The following MCM10 variants were observed in gnomAD, a reference collection of about 807,000 sequenced individuals.
The protein encoded by MCM10 is minichromosome maintenance 10 replication initiation factor.
In MCM10, 91 loss-of-function variants were observed where a neutral mutation model predicts 109.9. The ratio of observed to expected loss-of-function variants is 0.83; its 90% CI spans 0.70 to 0.99. The LOEUF is 0.99. Ranked by LOEUF, MCM10 falls within the 50% of genes least tolerant of loss-of-function variation. The pLI is 0.00. For synonymous variants in MCM10, 380 were observed against 387.2 expected (o/e 0.98, Z 0.22); for missense variants, 1,077 against 1,061.2 (o/e 1.01, Z -0.21).
At chr10:13,170,575 C>T (rs749803443) in intron 2 of MCM10, among the ~76,000 whole-genome samples, 3 of 152,154 alleles carry the variant, frequency 2.0e-5, no homozygotes, top group Non-Finnish European at 4.4e-5. Flanking sequence ...AGTATTGGCT[C>T]CTTCTTAGCC....
chr10:13,167,705 T>G (rs983534795), intron 2 of MCM10, among the ~76,000 whole-genome samples: 1 of 152,078 alleles, frequency 6.6e-6, no homozygotes, highest in Non-Finnish European at 1.5e-5. Flanking sequence ...AAAGACTGAA[T>G]CATTCCAAAG....
At chr10:13,208,625 A>G (rs1041461696) in intron 18 of MCM10, among the ~76,000 whole-genome samples, 29 of 151,972 alleles carry the variant, frequency 1.9e-4, no homozygotes, top group African/African-American at 6.8e-4. Context: ...GGTTATAAAG[A>G]GAAAGGGAGA....
chr10:13,161,844 G>T (rs1033209152), intron 1 of MCM10, among the ~76,000 whole-genome samples: 2 of 152,226 alleles, frequency 1.3e-5, no homozygotes, highest in Admixed American at 1.3e-4. Flanking sequence ...CCTTTTAAAC[G>T]CAGCCTTTTA....
chr10:13,192,350 A>G lies in MCM10; in HGVS notation c.1612A>G (p.Lys538Glu), dbSNP rs748415871. ...GARNLKQHLA[K>E]ATASGIMGSP... ...CAGGAACTTAAAACAACATTTAGCC[A>G]AAGCCACAGCTTCAGGTACCATCAG... The change falls in exon 12 of 20, where the codon AAA becomes GAA. Residue 538 changes from lysine to glutamate, a missense_variant. Transcript: ENST00000378714. The G allele has an allele frequency of 6.2e-7, 1 of 1,613,358 alleles. No individual in the cohort carries two copies. Among genetic ancestry groups the G allele is most frequent in the South Asian group, 1.1e-5 (1 of 90,866 alleles).
Position 13,173,257 on chromosome 10 carries a change from A to AT in MCM10, c.592+503dup, listed in dbSNP as rs1412130952. Among the ~76,000 whole-genome samples the AT allele has an allele frequency of 4.2e-3, 621 of 148,510 alleles. 1 individual carries two copies. The highest frequency in any genetic ancestry group is 6.1e-3 in the African/African-American group (249 of 40,614). The stretch of plus-strand genomic sequence containing the variant: ...ATTTACTAAGTACTTAACAGGTTGA[A>AT]TTTTTTTTTTTAGCTCTGTAGTCTC... On this transcript the variant is annotated intron_variant, in intron 5 of 19. Coordinates refer to ENST00000378714, the MANE Select transcript of MCM10 (RefSeq NM_018518.5).
chr10:13,168,022 G>C (rs565465814), intron 2 of MCM10, among the ~76,000 whole-genome samples: 3 of 152,170 alleles, frequency 2.0e-5, no homozygotes, highest in African/African-American at 7.2e-5. Flanking sequence ...GGGTTGTGAG[G>C]CACCATGGGA....
intron 13 of MCM10, among the ~76,000 whole-genome samples, chr10:13,193,372 C>T (rs572224008): frequency 1.3e-5 from 2 of 152,106 alleles, no homozygotes; most frequent in South Asian, 4.1e-4. Flanking sequence ...GAACTCAGGT[C>T]ACCTGAATAC....
intron 16 of MCM10, among the ~76,000 whole-genome samples, chr10:13,200,846 T>C (rs1030042185): frequency 6.6e-6 from 1 of 152,170 alleles, no homozygotes; most frequent in Non-Finnish European, 1.5e-5. Flanking sequence ...ATTTGGTGCT[T>C]TAAAAGTCAC....
chr10:13,197,513 G>A (rs1834436762), intron 14 of MCM10, 110 bp from the exon 15 acceptor site: 7 of 950,012 alleles, frequency 7.4e-6, no homozygotes, highest in Admixed American at 2.6e-5. Flanking sequence ...GCCAATTTCT[G>A]TCAGAGAACA....
At chr10:13,170,786 A>C (rs902640824) in intron 2 of MCM10, 136 bp from the exon 3 acceptor site, 8 of 657,080 alleles carry the variant, frequency 1.2e-5, no homozygotes, top group African/African-American at 1.1e-4. Flanking sequence ...GTATGGTTGA[A>C]CCCATCACCC....
chr10:13,206,259 C>T (rs1250836610), intron 18 of MCM10, among the ~76,000 whole-genome samples: 1 of 152,208 alleles, frequency 6.6e-6, no homozygotes, highest in African/African-American at 2.4e-5. Flanking sequence ...TAACTGATGA[C>T]AGTGCCCAAG....
At chr10:13,204,995 TATG>T (rs1834554612) in intron 18 of MCM10, among the ~76,000 whole-genome samples, 1 of 3,020 alleles carries the variant, frequency 3.3e-4, no homozygotes, top group African/African-American at 6.6e-4. Flanking sequence ...TGTATGTATG[TATG>T]TATGTATATA....
chr10:13,196,838 T>G (rs1834427948), intron 14 of MCM10, among the ~76,000 whole-genome samples: 1 of 152,062 alleles, frequency 6.6e-6, no homozygotes, highest in Non-Finnish European at 1.5e-5. Context: ...ATGTAAAGAT[T>G]CATACTTTGC....
intron 2 of MCM10, among the ~76,000 whole-genome samples, chr10:13,167,439 C>A (rs1834015901): frequency 6.6e-6 from 1 of 152,066 alleles, no homozygotes; most frequent in African/African-American, 2.4e-5. Flanking sequence ...TTGTGCTTTG[C>A]TGTGATGAGT....
chr10:13,199,851 C>T (rs1834473249), intron 16 of MCM10, among the ~76,000 whole-genome samples: 1 of 152,016 alleles, frequency 6.6e-6, no homozygotes, highest in South Asian at 2.1e-4. Context: ...GGGGTTTTGT[C>T]AGGGGTTGGA....
intron 1 of MCM10, among the ~76,000 whole-genome samples, chr10:13,163,687 T>TTGTGTG (rs150847036): frequency 8.6e-5 from 13 of 150,814 alleles, no homozygotes; most frequent in South Asian, 2.1e-4. Context: ...CCCCAATAAT[T>TTGTGTG]TGTGTGTGTG....
chr10:13,197,841 G>C (rs544953242), intron 15 of MCM10, 74 bp downstream of exon 15: 492 of 1,461,608 alleles, frequency 3.4e-4, no homozygotes, highest in Non-Finnish European at 4.4e-4. Context: ...ACCCAAACCA[G>C]CACCCAGATA....
intron 6 of MCM10, among the ~76,000 whole-genome samples, chr10:13,176,934 A>G (rs187244115): frequency 6.6e-6 from 1 of 152,210 alleles, no homozygotes; most frequent in Non-Finnish European, 1.5e-5. Flanking sequence ...GTATTCTCCA[A>G]AACTGAAGAA....
At position 13,204,219 on chromosome 10, in the gene MCM10, TGCGCCTATAC is replaced by T; in HGVS notation, c.2354_2363del (p.Cys785SerfsTer22). ...GTGGGTTTTTTGTTGCTCTGTGCAG[TGCGCCTATAC>T]CCACTTCAAGCTGCTGGAGACCTGC... On this transcript the variant is annotated frameshift_variant and splice_region_variant, in exon 18 of 20. Transcript: ENST00000378714. LOFTEE classifies it high-confidence loss of function. 1 of 1,613,942 alleles carries T rather than the reference TGCGCCTATAC, an allele frequency of 6.2e-7. No individual in the cohort carries two copies. The highest frequency in any genetic ancestry group is 8.5e-7 in the Non-Finnish European group (1 of 1,179,946).
Sources: gnomAD v4.1 joint callset for allele counts (sites outside exome capture counted in the v4.1 genomes callset) on GRCh38, gnomAD v4.1.1 for gene constraint, MANE v1.5 for transcripts, NCBI Gene and HGNC (gene_info 2026-07-23, HGNC 2026-07-21) for gene names.